Variants in ZIM2 observed in about 807,000 individuals in gnomAD.
ZIM2 encodes the protein zinc finger protein 656.
A neutral mutation model predicts 38.6 loss-of-function variants in ZIM2; 14 were observed. The observed-to-expected ratio is 0.36, with a 90% CI of 0.24 to 0.57. The LOEUF (loss-of-function observed/expected upper bound fraction) is 0.57, where lower values mean the gene tolerates loss of function less well. ZIM2 is among the 20% of genes least tolerant of loss of function. The pLI, the probability that ZIM2 is intolerant of heterozygous loss-of-function variation, is 0.81. For missense variants in ZIM2, 680 were observed against 695.1 expected (o/e 0.98, Z 0.24); for synonymous variants, 247 against 245.8 (o/e 1.00, Z -0.04).
chr19:56,775,220 G>C lies in ZIM2; in HGVS notation c.1145C>G (p.Thr382Ser). ...VALRRHERIH[T>S]GKKPYECKQC... ...TTTACATTCATAGGGTTTCTTCCCAGTATGGATCCGTTCGTGTCTCCTAAG... is the reference window on the plus strand; with the variant it reads ...TTTACATTCATAGGGTTTCTTCCCACTATGGATCCGTTCGTGTCTCCTAAG... The change falls in exon 13 of 13, where the codon ACT (threonine) becomes AGT (serine). Residue 382 changes from threonine (T) to serine (S), a missense_variant. Coordinates refer to ENST00000629319, the MANE Select transcript of ZIM2 (RefSeq NM_001387356.1). 4 of 1,614,154 alleles carry C rather than the reference G, an allele frequency of 2.5e-6. No homozygotes were observed. Among genetic ancestry groups the C allele is most frequent in the Non-Finnish European group, 2.5e-6 (3 of 1,180,042 alleles).
At chr19:56,836,969 CAAAAAAAAAAAAA>C (rs573566620) in intron 1 of ZIM2, among the ~76,000 whole-genome samples, 10 of 116,990 alleles carry the variant, frequency 8.5e-5, no homozygotes, top group African/African-American at 3.6e-4. Context: ...GACTCTGTCT[CAAAAAAAAAAAAA>C]AAAAAAAAAA....
Position 56,821,725 on chromosome 19 carries a change from C to G in ZIM2, c.220G>C (p.Val74Leu), listed in dbSNP as rs1373584900. The change falls in exon 7 of 13, where the codon GTG becomes CTG. Residue 74 changes from valine to leucine, a missense_variant. Transcript: ENST00000629319. ...ATTTCAAAGCTTGTTTTCGCCACCA[C>G]AGGAAGGGAAAGATCCCGCGGAGGC... is the stretch of plus-strand genomic sequence containing the variant. ...RMPPRDLSLP[V>L]VAKTSFEMDR... is the part of the protein sequence containing the mutation. The G allele has an allele frequency of 6.2e-7, 1 of 1,613,982 alleles. No individual in the cohort carries two copies. The highest frequency in any genetic ancestry group is 1.1e-5 in the South Asian group (1 of 91,078).
intron 9 of ZIM2, chr19:56,817,484 TG>T (rs770797479): frequency 6.2e-7 from 1 of 1,613,198 alleles, no homozygotes; most frequent in South Asian, 1.1e-5. Flanking sequence ...GACACATCCT[TG>T]ATGAATTTTT....
At position 56,822,853 on chromosome 19, in the gene ZIM2, T is replaced by G. The variant is rs1220622337; in HGVS notation, c.107-17A>C. Reference sequence around the variant, plus strand: ...CCCGGTCACCTAAGCAGGTGAGACATTCCAGTGGTTAACAAAGCTCTTTGA... The same window carrying G: ...CCCGGTCACCTAAGCAGGTGAGACAGTCCAGTGGTTAACAAAGCTCTTTGA... On this transcript the variant is annotated splice_polypyrimidine_tract_variant and intron_variant, in intron 5 of 12. Coordinates refer to ENST00000629319, the MANE Select transcript of ZIM2 (RefSeq NM_001387356.1). 1 of 1,610,522 alleles carries G rather than the reference T, an allele frequency of 6.2e-7. No homozygotes were observed. Among genetic ancestry groups the G allele is most frequent in the Non-Finnish European group, 8.5e-7 (1 of 1,178,396 alleles).
At chr19:56,816,130 G>A in intron 9 of ZIM2, 1 of 1,613,458 alleles carries the variant, frequency 6.2e-7, no homozygotes, top group Admixed American at 1.7e-5. Context: ...ATATGATTTT[G>A]CCTCATAGAC....
intron 10 of ZIM2, among the ~76,000 whole-genome samples, chr19:56,789,261 C>T (rs28680580): frequency 0.11 from 16,022 of 152,150 alleles, 2,767 homozygotes; most frequent in African/African-American, 0.36. Context: ...ATTTGTAGTT[C>T]ATCTAAAATT....
At chr19:56,807,090 T>C (rs1027238571) in intron 9 of ZIM2, among the ~76,000 whole-genome samples, 13 of 152,294 alleles carry the variant, frequency 8.5e-5, no homozygotes, top group African/African-American at 3.1e-4. Context: ...ACCTGACACT[T>C]ACAAATGGCC....
chr19:56,774,769 T>C lies in ZIM2; in HGVS notation c.1596A>G (p.Lys532=), dbSNP rs1200368354. ...ERPYQCQLCG[K]CFGRPSYLTQ... is the part of the protein sequence containing the mutation. ...TGAGGTATGAGGGTCGGCCGAAACATTTCCCACATAGCTGACACTGGTAAG... is the reference window on the plus strand; with the variant it reads ...TGAGGTATGAGGGTCGGCCGAAACACTTCCCACATAGCTGACACTGGTAAG... Residue 532 remains lysine, a synonymous_variant, in exon 13 of 13, where the codon AAA becomes AAG. Transcript: ENST00000629319. The C allele has an allele frequency of 6.2e-7, 1 of 1,614,180 alleles. No individual in the cohort carries two copies. The highest frequency in any genetic ancestry group is 2.2e-5 in the East Asian group (1 of 44,878).
intron 1 of ZIM2, among the ~76,000 whole-genome samples, chr19:56,839,011 C>T (rs1363843322): frequency 1.3e-5 from 2 of 152,290 alleles, no homozygotes; most frequent in East Asian, 1.9e-4. Context: ...ATCCGGGCAA[C>T]GCCTGCGCGG....
At chr19:56,824,552 A>C (rs1412989132) in intron 3 of ZIM2, 125 bp from the exon 4 acceptor site, 8 of 1,614,158 alleles carry the variant, frequency 5.0e-6, no homozygotes, top group East Asian at 2.2e-5. Flanking sequence ...ACCTTCTCCT[A>C]TGATGACATC....
At chr19:56,784,183 T>C (rs751097248) in intron 10 of ZIM2, among the ~76,000 whole-genome samples, 1 of 152,218 alleles carries the variant, frequency 6.6e-6, no homozygotes, top group Non-Finnish European at 1.5e-5. Flanking sequence ...AAGGCTGAGC[T>C]TTGTAGTGCA....
chr19:56,799,637 A>T (rs948712793), intron 9 of ZIM2: 4 of 152,222 alleles, frequency 2.6e-5, no homozygotes, highest in Non-Finnish European at 5.9e-5. Context: ...AACCCTAAAC[A>T]TATACCTACT....
intron 9 of ZIM2, among the ~76,000 whole-genome samples, chr19:56,801,918 G>A (rs1214863881): frequency 6.6e-6 from 1 of 152,158 alleles, no homozygotes; most frequent in African/African-American, 2.4e-5. Context: ...GTGCCAGCTG[G>A]ATAACTCACA....
chr19:56,779,744 C>T (rs1050557667), intron 11 of ZIM2, among the ~76,000 whole-genome samples: 8 of 152,060 alleles, frequency 5.3e-5, no homozygotes, highest in African/African-American at 1.9e-4. Context: ...AGCCCCACAA[C>T]CCGGGACGAT....
chr19:56,839,904 A>G (rs1215243887), intron 1 of ZIM2, among the ~76,000 whole-genome samples: 4 of 152,044 alleles, frequency 2.6e-5, no homozygotes, highest in Non-Finnish European at 5.9e-5. Context: ...CAACCAACCA[A>G]GGCAGCTCCT....
chr19:56,838,899 C>T (rs1477800944), intron 1 of ZIM2, among the ~76,000 whole-genome samples: 1 of 152,168 alleles, frequency 6.6e-6, no homozygotes, highest in Non-Finnish European at 1.5e-5. Flanking sequence ...GCAGCCGCCC[C>T]GATCAAAGAT....
intron 7 of ZIM2, 63 bp from the exon 8 acceptor site, chr19:56,818,765 A>G (rs1036414523): frequency 1.3e-6 from 2 of 1,571,426 alleles, no homozygotes; most frequent in Non-Finnish European, 1.8e-6. Context: ...AAGACAGAAT[A>G]ATGTTGGCAA....
intron 9 of ZIM2, chr19:56,810,584 G>C: frequency 1.1e-6 from 1 of 926,994 alleles, no homozygotes; most frequent in Non-Finnish European, 1.3e-6. Flanking sequence ...TATTTGTAAT[G>C]GAAAATACAT....
At chr19:56,809,632 A>C (rs2047964285) in intron 9 of ZIM2, among the ~76,000 whole-genome samples, 1 of 152,222 alleles carries the variant, frequency 6.6e-6, no homozygotes, top group Non-Finnish European at 1.5e-5. Context: ...GGGGAAAAAC[A>C]GTACAGAGAT....
Sources: allele counts gnomAD v4.1 joint callset (sites outside exome capture counted in the v4.1 genomes callset), GRCh38; gene constraint gnomAD v4.1.1; transcripts MANE v1.5; gene names NCBI Gene and HGNC (gene_info 2026-07-23, HGNC 2026-07-21).